CA10: variants seen among roughly 807,000 people sequenced by gnomAD.
CA10 encodes carbonic anhydrase-related protein 10.
A neutral mutation model predicts 44.2 loss-of-function variants in CA10; 14 were observed. The ratio of observed to expected loss-of-function variants is 0.32; its 90% CI spans 0.21 to 0.50. The LOEUF is 0.50. Ranked by LOEUF, CA10 falls within the 20% of genes least tolerant of loss-of-function variation. The pLI, the probability that CA10 is intolerant of heterozygous loss-of-function variation, is 0.99. For missense variants in CA10, 350 were observed against 409.7 expected (o/e 0.85, Z 1.26); for synonymous variants, 159 against 141.6 (o/e 1.12, Z -0.87).
At chr17:52,084,039 G>T (rs1258326316) in intron 1 of CA10, among the ~76,000 whole-genome samples, 2 of 152,054 alleles carry the variant, frequency 1.3e-5, no homozygotes, top group African/African-American at 4.8e-5. Context: ...ACTGAAAAAA[G>T]ACTTAAAGAG....
At chr17:51,810,983 G>T (rs887864760) in intron 3 of CA10, among the ~76,000 whole-genome samples, 1 of 152,182 alleles carries the variant, frequency 6.6e-6, no homozygotes, top group Non-Finnish European at 1.5e-5. Flanking sequence ...ATTACCTGAG[G>T]TCAGGAGTTT....
intron 1 of CA10, among the ~76,000 whole-genome samples, chr17:52,147,302 A>G (rs1367917878): frequency 6.6e-6 from 1 of 152,132 alleles, no homozygotes; most frequent in East Asian, 1.9e-4. Flanking sequence ...TTGCATATAC[A>G]GTCCCTGTCT....
At chr17:51,785,638 C>T (rs1906241037) in intron 3 of CA10, among the ~76,000 whole-genome samples, 1 of 152,036 alleles carries the variant, frequency 6.6e-6, no homozygotes, top group African/African-American at 2.4e-5. Flanking sequence ...AAATAGAGTA[C>T]CCTTTGTTCT....
chr17:51,916,828 G>T (rs979447215), intron 3 of CA10, among the ~76,000 whole-genome samples: 4 of 149,238 alleles, frequency 2.7e-5, no homozygotes, highest in African/African-American at 9.7e-5. Flanking sequence ...AACTGGGCCT[G>T]GGGGACCTGA....
At chr17:51,966,040 T>A (rs903200694) in intron 2 of CA10, among the ~76,000 whole-genome samples, 1 of 151,962 alleles carries the variant, frequency 6.6e-6, no homozygotes, top group Non-Finnish European at 1.5e-5. Flanking sequence ...AAAGTCAACA[T>A]ACAAAAATCA....
chr17:52,105,328 C>A (rs943116014), intron 1 of CA10, among the ~76,000 whole-genome samples: 2 of 151,938 alleles, frequency 1.3e-5, no homozygotes, highest in African/African-American at 2.4e-5. Context: ...AATCTCGGCT[C>A]AGTGCAAGCT....
intron 3 of CA10, among the ~76,000 whole-genome samples, chr17:51,873,980 T>C (rs1241684363): frequency 6.6e-6 from 1 of 152,238 alleles, no homozygotes; most frequent in Non-Finnish European, 1.5e-5. Flanking sequence ...CTGGCTTCTA[T>C]TGTGTGTTCT....
At chr17:51,898,442 G>T (rs1434582188) in intron 3 of CA10, among the ~76,000 whole-genome samples, 1 of 152,096 alleles carries the variant, frequency 6.6e-6, no homozygotes, top group African/African-American at 2.4e-5. Flanking sequence ...GTGCTGCTGG[G>T]TTTGGTTTGC....
intron 4 of CA10, among the ~76,000 whole-genome samples, chr17:51,716,259 G>A (rs1916111253): frequency 6.6e-6 from 1 of 152,158 alleles, no homozygotes; most frequent in Non-Finnish European, 1.5e-5. Context: ...ATGAGATCGA[G>A]TGATATATTA....
intron 3 of CA10, among the ~76,000 whole-genome samples, chr17:51,904,661 G>A (rs1981464937): frequency 6.6e-6 from 1 of 152,094 alleles, no homozygotes. Context: ...GCAAGTTCTA[G>A]CTCAGTTTGT....
At chr17:51,961,394 A>G (rs1424500908) in intron 2 of CA10, among the ~76,000 whole-genome samples, 1 of 152,188 alleles carries the variant, frequency 6.6e-6, no homozygotes. Flanking sequence ...CCATATTAAA[A>G]TATTAGAAAA....
At chr17:51,845,184 A>G (rs534372356) in intron 3 of CA10, among the ~76,000 whole-genome samples, 1 of 152,284 alleles carries the variant, frequency 6.6e-6, no homozygotes, top group East Asian at 1.9e-4. Context: ...GACAGGGAAT[A>G]CTTTTTTATT....
At chr17:52,091,271 G>A (rs865838391) in intron 1 of CA10, among the ~76,000 whole-genome samples, 10 of 152,054 alleles carry the variant, frequency 6.6e-5, no homozygotes, top group Middle Eastern at 3.2e-3. Context: ...TTTGTAATGT[G>A]TATTTTTTAT....
chr17:51,790,327 C>T (rs1906467627), intron 3 of CA10, among the ~76,000 whole-genome samples: 1 of 152,158 alleles, frequency 6.6e-6, no homozygotes, highest in Admixed American at 6.5e-5. Context: ...TGGAACCTGG[C>T]TCCTGCGTGA....
At chr17:51,952,058 G>A (rs1313544649) in intron 2 of CA10, among the ~76,000 whole-genome samples, 1 of 152,150 alleles carries the variant, frequency 6.6e-6, no homozygotes, top group East Asian at 1.9e-4. Context: ...AAAATTAACT[G>A]CCAAAATTAT....
At chr17:52,134,992 A>C (rs1236450712) in intron 1 of CA10, 1 of 518,764 alleles carries the variant, frequency 1.9e-6, no homozygotes, top group Non-Finnish European at 3.9e-6. Context: ...TCAACAGGTT[A>C]CCTGCATCTC....
intron 3 of CA10, among the ~76,000 whole-genome samples, chr17:51,825,925 G>A (rs1019835494): frequency 6.6e-6 from 1 of 152,204 alleles, no homozygotes; most frequent in Non-Finnish European, 1.5e-5. Context: ...TATGCCCATA[G>A]CACTTAATTT....
At chr17:51,928,499 C>T (rs1207252607) in intron 3 of CA10, among the ~76,000 whole-genome samples, 1 of 152,060 alleles carries the variant, frequency 6.6e-6, no homozygotes, top group African/African-American at 2.4e-5. Flanking sequence ...AACATAGTAA[C>T]GCAAGTCAGG....
Position 52,157,828 on chromosome 17 carries a change from G to A in CA10, c.-42C>T, listed in dbSNP as rs759452367. The A allele has an allele frequency of 1.3e-6, 2 of 1,500,084 alleles. No homozygotes were observed. The highest frequency in any genetic ancestry group is 1.4e-5 in the African/African-American group (1 of 72,494). The allele number at this position is 1,500,084 out of a possible 1,614,324, so 92.9% of individuals were successfully genotyped here. A position where few individuals can be genotyped will look rare whatever the true frequency, so the allele number is the denominator to read the frequency against. ...CAAGTGCATCACTCGACGGGAAAACGGGGGGAAGGGGGGAGCCCGACACGG... is the reference window on the plus strand; with the variant it reads ...CAAGTGCATCACTCGACGGGAAAACAGGGGGAAGGGGGGAGCCCGACACGG... On this transcript the variant is annotated 5_prime_UTR_variant, in exon 1 of 9. Coordinates refer to ENST00000451037, the MANE Select transcript of CA10 (RefSeq NM_020178.5).
Sources: allele counts gnomAD v4.1 joint callset (sites outside exome capture counted in the v4.1 genomes callset), GRCh38; gene constraint gnomAD v4.1.1; transcripts MANE v1.5; gene names NCBI Gene and HGNC (gene_info 2026-07-23, HGNC 2026-07-21).